The following CDK14 variants were observed in gnomAD, a reference collection of about 807,000 sequenced individuals.
CDK14 encodes cyclin dependent kinase 14, also known as cyclin-dependent kinase 14.
In CDK14, 34 loss-of-function variants were observed where a neutral mutation model predicts 60.7. The observed-to-expected ratio is 0.56, with a 90% CI of 0.43 to 0.75. CDK14 has a LOEUF of 0.75. Among genes scored for constraint, CDK14 ranks in the 30% least tolerant of loss-of-function variants. The probability of loss-of-function intolerance (pLI) is 0.00; values close to 1 mark genes in which losing one functional copy is unlikely to be tolerated. For synonymous variants in CDK14, 197 were observed against 203.7 expected, an observed-to-expected ratio of 0.97 and a Z score of 0.28; for missense variants, 482 against 564.1, an observed-to-expected ratio of 0.85 and a Z score of 1.47.
At chr7:90,809,288 A>C (rs1788992601) in intron 5 of CDK14, among the ~76,000 whole-genome samples, 1 of 152,226 alleles carries the variant, frequency 6.6e-6, no homozygotes, top group Admixed American at 6.5e-5. Flanking sequence ...ACCACAGTGC[A>C]ATCAAACTAG....
chr7:90,649,116 T>C (rs1234393601), intron 2 of CDK14, among the ~76,000 whole-genome samples: 1 of 152,148 alleles, frequency 6.6e-6, no homozygotes, highest in Non-Finnish European at 1.5e-5. Flanking sequence ...GATTTCCAGT[T>C]TGTTCCTGGC....
chr7:90,634,932 T>C (rs1800101119), intron 2 of CDK14, among the ~76,000 whole-genome samples: 1 of 152,306 alleles, frequency 6.6e-6, no homozygotes, highest in Admixed American at 6.5e-5. Context: ...AAATGTCTTC[T>C]TTTGAGAAGT....
chr7:90,631,005 T>TTCTC (rs1023300768), intron 2 of CDK14, among the ~76,000 whole-genome samples: 8 of 152,034 alleles, frequency 5.3e-5, no homozygotes, highest in African/African-American at 1.9e-4. Flanking sequence ...TTGTTTTTCT[T>TTCTC]TCTCTGCATG....
intron 1 of CDK14, among the ~76,000 whole-genome samples, 184 bp from the exon 2 acceptor site, chr7:90,604,034 C>T (rs1192485672): frequency 2.0e-5 from 3 of 152,164 alleles, no homozygotes; most frequent in African/African-American, 7.2e-5. Context: ...AAGATGCATG[C>T]TGTGCAATTC....
At chr7:91,111,361 G>A (rs1799463749) in intron 12 of CDK14, among the ~76,000 whole-genome samples, 1 of 152,284 alleles carries the variant, frequency 6.6e-6, no homozygotes, top group South Asian at 2.1e-4. Flanking sequence ...TGTGTCTTGA[G>A]TAGCTTCAAG....
chr7:90,769,531 A>ATC (rs1362444152), intron 4 of CDK14, among the ~76,000 whole-genome samples: 1 of 148,590 alleles, frequency 6.7e-6, no homozygotes, highest in East Asian at 2.0e-4. Flanking sequence ...CATTGGCACC[A>ATC]TCTCAGCTCA....
chr7:90,794,594 C>T (rs1010951497), intron 5 of CDK14, among the ~76,000 whole-genome samples: 1 of 152,178 alleles, frequency 6.6e-6, no homozygotes, highest in African/African-American at 2.4e-5. Context: ...TCTGTTCTGC[C>T]CGGCTGTCAG....
At chr7:90,805,237 A>C (rs1788777213) in intron 5 of CDK14, among the ~76,000 whole-genome samples, 1 of 152,136 alleles carries the variant, frequency 6.6e-6, no homozygotes, top group African/African-American at 2.4e-5. Flanking sequence ...TGCTTTAAAA[A>C]AATGTAACCC....
At chr7:90,632,618 C>T (rs1800028726) in intron 2 of CDK14, 1 of 152,640 alleles carries the variant, frequency 6.6e-6, no homozygotes, top group Admixed American at 6.5e-5. Context: ...GGAATGAAGA[C>T]ATTTTTGACA....
chr7:91,027,785 C>T (rs867222225), intron 10 of CDK14, among the ~76,000 whole-genome samples: 2 of 6,970 alleles, frequency 2.9e-4, no homozygotes, highest in Non-Finnish European at 2.5e-4. Flanking sequence ...CCCTCCCCTC[C>T]CCTCCCCTCC....
In CDK14 at chr7:90,741,039, T is replaced by C. The variant is rs116633105; in HGVS notation, c.370-6642T>C. On this transcript the variant is annotated intron_variant, in intron 3 of 14. Transcript: ENST00000380050. ...TCTATTTTTGGTCTATATTTCATTA[T>C]AAAATTAGTAATCGTGGAGCTTGAG... 4.8e-3 allele frequency among the ~76,000 whole-genome samples: 729 copies of C among 152,334 alleles called. 3 individuals carry two copies. The highest frequency in any genetic ancestry group is 0.016 in the African/African-American group (657 of 41,588).
At chr7:90,814,839 C>T (rs1789287394) in intron 5 of CDK14, among the ~76,000 whole-genome samples, 2 of 152,196 alleles carry the variant, frequency 1.3e-5, no homozygotes, top group African/African-American at 2.4e-5. Flanking sequence ...TAAATGGCAA[C>T]TGACAAGCTG....
At chr7:90,982,240 AG>A (rs1183569174) in intron 9 of CDK14, among the ~76,000 whole-genome samples, 1 of 152,218 alleles carries the variant, frequency 6.6e-6, no homozygotes, top group African/African-American at 2.4e-5. Context: ...GATCCATGAA[AG>A]GCATCACAGA....
intron 2 of CDK14, chr7:90,692,626 G>T (rs1407428635): frequency 7.4e-6 from 7 of 941,652 alleles, no homozygotes; most frequent in African/African-American, 7.1e-5. Flanking sequence ...GCTCTGCCTG[G>T]TGGAGACTAT....
intron 14 of CDK14, among the ~76,000 whole-genome samples, chr7:91,152,192 G>A (rs755979986): frequency 7.2e-5 from 11 of 152,132 alleles, no homozygotes; most frequent in Non-Finnish European, 1.5e-4. Flanking sequence ...TAGAAACATA[G>A]CAACTTAAGA....
At chr7:90,963,894 T>A (rs1380860310) in intron 9 of CDK14, among the ~76,000 whole-genome samples, 1 of 151,832 alleles carries the variant, frequency 6.6e-6, no homozygotes, top group Admixed American at 6.6e-5. Flanking sequence ...TTTTGTATTT[T>A]TAGTAGAGAT....
At chr7:90,634,851 T>A (rs1003807545) in intron 2 of CDK14, among the ~76,000 whole-genome samples, 8 of 152,064 alleles carry the variant, frequency 5.3e-5, no homozygotes, top group Non-Finnish European at 8.8e-5. Context: ...GGTATCTCAT[T>A]GTGGTTTTGA....
At chr7:90,717,371 A>G (rs1006088980) in intron 2 of CDK14, among the ~76,000 whole-genome samples, 2 of 152,106 alleles carry the variant, frequency 1.3e-5, no homozygotes. Flanking sequence ...AATTAGCAAA[A>G]CAGTTATCAA....
chr7:90,809,644 G>C lies in CDK14; in HGVS notation c.544+18992G>C, dbSNP rs369374858. Among the ~76,000 whole-genome samples, 816 of 152,250 alleles carry C rather than the reference G, an allele frequency of 5.4e-3. 9 individuals carry two copies. The highest frequency in any genetic ancestry group is 0.01 in the Middle Eastern group (3 of 294). ...GATCAGAGCAGAACTCAAGGAAATA[G>C]AGACACAAAAAACCCTTCAAAGAAA... On this transcript the variant is annotated intron_variant, in intron 5 of 14. Transcript: ENST00000380050.
Sources: allele counts gnomAD v4.1 joint callset (sites outside exome capture counted in the v4.1 genomes callset), GRCh38; gene constraint gnomAD v4.1.1; transcripts MANE v1.5; gene names NCBI Gene and HGNC (gene_info 2026-07-23, HGNC 2026-07-21).